The following ACTN4 variants were observed in gnomAD, a reference collection of about 807,000 sequenced individuals.
ACTN4 encodes alpha-actinin-4.
Under a neutral mutation model 114.2 loss-of-function variants are expected in ACTN4, and 18 were observed. The observed-to-expected ratio is 0.16, with a 90% CI of 0.11 to 0.23. The LOEUF (loss-of-function observed/expected upper bound fraction) is 0.23, where lower values mean the gene tolerates loss of function less well. Ranked by LOEUF, ACTN4 falls within the 10% of genes least tolerant of loss-of-function variation. ACTN4 has a pLI of 1.00. For missense variants in ACTN4, 722 were observed against 1,262.9 expected (o/e 0.57, Z 6.49); for synonymous variants, 515 against 506.3 (o/e 1.02, Z -0.23).
At position 38,706,051 on chromosome 19, in the gene ACTN4, G is replaced by A. The variant is rs377717555; in HGVS notation, c.492G>A (p.Ser164=). The change falls in exon 5 of 21, where the codon TCG becomes TCA. Residue 164 remains serine, a synonymous_variant. Transcript: ENST00000252699. ...TCTTTGTGTGTTTTGCAGAGACCTC[G>A]GCCAAGGAAGGGCTCCTTCTCTGGT... ...AIQDISVEET[S]AKEGLLLWCQ... is the part of the protein sequence containing the mutation. The A allele has an allele frequency of 1.5e-5, 24 of 1,613,906 alleles. No individual in the cohort carries two copies. Among genetic ancestry groups the A allele is most frequent in the Non-Finnish European group, 1.7e-5 (20 of 1,179,964 alleles).
intron 1 of ACTN4, among the ~76,000 whole-genome samples, chr19:38,667,768 C>T (rs940641990): frequency 1.3e-5 from 2 of 151,508 alleles, no homozygotes; most frequent in African/African-American, 4.8e-5. Flanking sequence ...ATCTCTGAGT[C>T]GCTAATCTTC....
chr19:38,721,758 C>A, intron 12 of ACTN4, 70 bp downstream of exon 12: 1 of 1,592,912 alleles, frequency 6.3e-7, no homozygotes, highest in Non-Finnish European at 8.5e-7. Context: ...GTGGCGGCAG[C>A]ACGCCGAGGC....
intron 1 of ACTN4, among the ~76,000 whole-genome samples, chr19:38,683,369 G>A (rs1967638694): frequency 6.6e-6 from 1 of 152,096 alleles, no homozygotes; most frequent in Admixed American, 6.5e-5. Flanking sequence ...AGAGAAAGCA[G>A]GTGGTGAGGG....
At position 38,723,614 on chromosome 19, in the gene ACTN4, C is replaced by A; in HGVS notation, c.1443C>A (p.Asn481Lys). Residue 481 changes from asparagine (N) to lysine (K), a missense_variant and splice_region_variant, in exon 13 of 21, where the codon AAC (asparagine) becomes AAA (lysine). Around this residue, in one of 3 missense-constraint regions of ACTN4, gnomAD observed 523 missense variants for 875.9 expected, o/e 0.60. Transcript: ENST00000252699. ...EQIAAIAQEL[N>K]ELDYYDSHNV... is the part of the protein sequence containing the mutation. ...TCATTGCTCTCTGCCCGGCCCGCAG[C>A]GAGCTGGATTACTACGACTCCCACA... 6.2e-7 allele frequency: 1 copy of A among 1,609,000 alleles called. No homozygotes were observed.
chr19:38,700,956 C>A, intron 2 of ACTN4, 46 bp from the exon 3 acceptor site: 1 of 1,597,642 alleles, frequency 6.3e-7, no homozygotes, highest in Non-Finnish European at 8.6e-7. Flanking sequence ...CTCTCCCTTT[C>A]TCTCTCTCTG....
At position 38,723,766 on chromosome 19, in the gene ACTN4, T is replaced by G. The variant is rs761711370; in HGVS notation, c.1551+44T>G. Reference sequence around the variant, plus strand: ...CACCCACGGAGCTCTGTGCCCCTGCTGCCCCGGGGCTGGTGGTGTGGATAG... The same window carrying G: ...CACCCACGGAGCTCTGTGCCCCTGCGGCCCCGGGGCTGGTGGTGTGGATAG... On this transcript the variant is annotated intron_variant, in intron 13 of 20. Transcript: ENST00000252699. 8 of 1,518,662 alleles carry G rather than the reference T, an allele frequency of 5.3e-6. No homozygotes were observed. In the South Asian group the frequency reaches 9.2e-5, roughly 18 times the overall value. The allele number at this position is 1,518,662 out of a possible 1,614,324, so 94.1% of individuals were successfully genotyped here.
chr19:38,685,450 C>G (rs1488422072), intron 1 of ACTN4, among the ~76,000 whole-genome samples: 1 of 152,202 alleles, frequency 6.6e-6, no homozygotes, highest in Non-Finnish European at 1.5e-5. Flanking sequence ...CCAGTGCTCA[C>G]GGAGCCTCTG....
At chr19:38,701,191 G>A (rs1189072277) in intron 3 of ACTN4, 70 bp downstream of exon 3, 4 of 1,604,522 alleles carry the variant, frequency 2.5e-6, no homozygotes, top group African/African-American at 1.3e-5. Context: ...CACAACATCT[G>A]CATCCTGAAG....
chr19:38,659,410 A>C (rs1035667144), intron 1 of ACTN4, among the ~76,000 whole-genome samples: 1 of 152,080 alleles, frequency 6.6e-6, no homozygotes, highest in Non-Finnish European at 1.5e-5. Context: ...ATAGAATTGA[A>C]TCCATTGAGA....
At chr19:38,721,327 T>TGTCCATCCAG (rs1314689349) in intron 11 of ACTN4, among the ~76,000 whole-genome samples, 1 of 152,212 alleles carries the variant, frequency 6.6e-6, no homozygotes, top group Non-Finnish European at 1.5e-5. Context: ...AACCCTGAAG[T>TGTCCATCCAG]GTCCATCCAG....
At chr19:38,696,564 C>T (rs1968099757) in intron 1 of ACTN4, among the ~76,000 whole-genome samples, 1 of 152,216 alleles carries the variant, frequency 6.6e-6, no homozygotes, top group Non-Finnish European at 1.5e-5. Flanking sequence ...CGAACTCCAG[C>T]TCCTACTCAC....
chr19:38,666,228 C>T (rs555684075), intron 1 of ACTN4, among the ~76,000 whole-genome samples: 31 of 152,096 alleles, frequency 2.0e-4, no homozygotes, highest in African/African-American at 6.5e-4. Flanking sequence ...CCCTGTCCCC[C>T]CCAAAAGCAA....
chr19:38,718,872 C>T (rs904081323), intron 11 of ACTN4, among the ~76,000 whole-genome samples: 1 of 152,228 alleles, frequency 6.6e-6, no homozygotes, highest in Non-Finnish European at 1.5e-5. Flanking sequence ...TGGCACGTCC[C>T]TCAGGCTAGA....
chr19:38,674,166 G>GT lies in ACTN4; in HGVS notation c.162+26259_162+26260insT, dbSNP rs560428401. ...ATAGATTGTGTGGGAGCTGTCAGGG[G>GT]AGACTTTCCAAGATGATGACAGTGA... On this transcript the variant is annotated intron_variant, in intron 1 of 20. Coordinates refer to ENST00000252699, the MANE Select transcript of ACTN4 (RefSeq NM_004924.6). Among the ~76,000 whole-genome samples the GT allele has an allele frequency of 3.1e-3, 470 of 152,264 alleles. 4 individuals carry two copies. The highest frequency in any genetic ancestry group is 0.011 in the African/African-American group (456 of 41,556).
At chr19:38,662,276 T>TGATAGA (rs1468091944) in intron 1 of ACTN4, among the ~76,000 whole-genome samples, 2 of 152,210 alleles carry the variant, frequency 1.3e-5, no homozygotes, top group African/African-American at 4.8e-5. Context: ...TCTGGGCTAT[T>TGATAGA]GATAGACACT....
At chr19:38,669,187 A>G (rs1967058952) in intron 1 of ACTN4, among the ~76,000 whole-genome samples, 1 of 152,106 alleles carries the variant, frequency 6.6e-6, no homozygotes. Flanking sequence ...GGGTTTCACC[A>G]TGTTGGCCAG....
In ACTN4 at chr19:38,688,390, C is replaced by CAAAAAA. The variant is rs35793948; in HGVS notation, c.163-12194_163-12189dup. Reference sequence around the variant, plus strand: ...ATGGTGAATGAAACCTTGTCTCTACCAAAAAAAAAAAAAAAAAAAAACCCA... The same window carrying CAAAAAA: ...ATGGTGAATGAAACCTTGTCTCTACCAAAAAAAAAAAAAAAAAAAAAAAAAAACCCA... On this transcript the variant is annotated intron_variant, in intron 1 of 20. Coordinates refer to ENST00000252699, the MANE Select transcript of ACTN4 (RefSeq NM_004924.6). Among the ~76,000 whole-genome samples the CAAAAAA allele has an allele frequency of 8.6e-5, 7 of 81,122 alleles. No individual in the cohort carries two copies. In the East Asian group the frequency reaches 1.1e-3, roughly 13 times the overall value. 53.2% of individuals were successfully genotyped at this position (81,122 alleles called of 152,430 possible). A position where few individuals can be genotyped will look rare whatever the true frequency, so the allele number is the denominator to read the frequency against.
At position 38,730,809 on chromosome 19, in the gene ACTN4, C is replaced by A. The variant is rs750194622; in HGVS notation, c.*1377C>A. On this transcript the variant is annotated 3_prime_UTR_variant, in exon 21 of 21. Coordinates refer to ENST00000252699, the MANE Select transcript of ACTN4 (RefSeq NM_004924.6). ...CAAGGCCTAGGGAGGTGGTCTTGCT[C>A]AGCAACCCTGCCCTGAGCAGCAGGT... The A allele has an allele frequency of 1.0e-5, 16 of 1,549,826 alleles. No homozygotes were observed. Among genetic ancestry groups the A allele is most frequent in the Non-Finnish European group, 1.4e-5 (16 of 1,146,884 alleles).
rs746799594 is a variant in ACTN4, at chr19:38,729,372, G to C, written c.2676G>C (p.Val892=). 1 of 1,612,744 alleles carries C rather than the reference G, an allele frequency of 6.2e-7. No individual in the cohort carries two copies. The highest frequency in any genetic ancestry group is 8.5e-7 in the Non-Finnish European group (1 of 1,179,972). Residue 892 remains valine, a synonymous_variant, in exon 21 of 21, where the codon GTG becomes GTC. Transcript: ENST00000252699. ...RMAPYQGPDA[V]PGALDYKSFS... The stretch of plus-strand genomic sequence containing the variant: ...CGCCATACCAGGGCCCTGACGCCGT[G>C]CCCGGTGCCCTCGACTACAAGTCCT...
Sources: gnomAD v4.1 joint callset for allele counts (sites outside exome capture counted in the v4.1 genomes callset) on GRCh38, gnomAD v4.1.1 for gene constraint, gnomAD v4.1.1 regional missense constraint, MANE v1.5 for transcripts, NCBI Gene and HGNC (gene_info 2026-07-23, HGNC 2026-07-21) for gene names.